Variants in NEDD4 observed in about 807,000 individuals in gnomAD.
The protein encoded by NEDD4 is NEDD4 E3 ubiquitin protein ligase, also known as E3 ubiquitin-protein ligase NEDD4.
In NEDD4, 99 loss-of-function variants were observed where a neutral mutation model predicts 144.9. The observed-to-expected ratio is 0.68, with a 90% CI of 0.58 to 0.81. NEDD4 has a LOEUF of 0.81. Ranked by LOEUF, NEDD4 falls within the 30% of genes least tolerant of loss-of-function variation. The pLI, the probability that NEDD4 is intolerant of heterozygous loss-of-function variation, is 0.00. For missense variants in NEDD4, 985 were observed against 1,065.9 expected, an observed-to-expected ratio of 0.92 and a Z score of 1.06; for synonymous variants, 318 against 350.6, an observed-to-expected ratio of 0.91 and a Z score of 1.04.
intron 11 of NEDD4, among the ~76,000 whole-genome samples, chr15:55,857,921 CAG>C (rs2034259920): frequency 6.6e-6 from 1 of 152,154 alleles, no homozygotes; most frequent in African/African-American, 2.4e-5. Flanking sequence ...GCCTGGGCGA[CAG>C]AGTGAGACCC....
chr15:55,979,405 CT>C (rs1427276617), intron 1 of NEDD4, among the ~76,000 whole-genome samples: 3 of 124,800 alleles, frequency 2.4e-5, no homozygotes, highest in Non-Finnish European at 4.7e-5. Context: ...GGACTGCGGA[CT>C]GCAGTGGCGC....
At chr15:55,899,538 T>A (rs2035845888) in intron 5 of NEDD4, among the ~76,000 whole-genome samples, 12 of 152,214 alleles carry the variant, frequency 7.9e-5, no homozygotes, top group Admixed American at 7.2e-4. Flanking sequence ...AACCAGTATT[T>A]TCTTGCTTAA....
At chr15:55,986,298 C>A (rs866359933) in intron 1 of NEDD4, among the ~76,000 whole-genome samples, 2 of 152,114 alleles carry the variant, frequency 1.3e-5, no homozygotes, top group African/African-American at 2.4e-5. Flanking sequence ...CATAATCTTA[C>A]GATATGTCCC....
At chr15:55,932,179 A>G (rs1259338087) in intron 4 of NEDD4, among the ~76,000 whole-genome samples, 1 of 152,188 alleles carries the variant, frequency 6.6e-6, no homozygotes, top group Non-Finnish European at 1.5e-5. Context: ...GTGAGTTGTA[A>G]TAAGATCTGA....
intron 11 of NEDD4, among the ~76,000 whole-genome samples, chr15:55,858,479 T>C (rs1378335861): frequency 2.0e-5 from 3 of 152,206 alleles, no homozygotes; most frequent in East Asian, 1.9e-4. Context: ...AGCTAATTTT[T>C]GTATTTTTAG....
intron 4 of NEDD4, among the ~76,000 whole-genome samples, chr15:55,949,467 T>C (rs1233903880): frequency 2.0e-5 from 3 of 152,162 alleles, no homozygotes; most frequent in African/African-American, 7.2e-5. Flanking sequence ...ACCCAAAGGA[T>C]TATAAATCAT....
intron 21 of NEDD4, among the ~76,000 whole-genome samples, chr15:55,839,506 A>G (rs2033367958): frequency 6.6e-6 from 1 of 152,190 alleles, no homozygotes; most frequent in Admixed American, 6.5e-5. Context: ...AGAAAAGAAT[A>G]AAAAATGAAC....
At chr15:55,903,783 CCA>C (rs775303836) in intron 5 of NEDD4, among the ~76,000 whole-genome samples, 3 of 147,152 alleles carry the variant, frequency 2.0e-5, no homozygotes, top group Non-Finnish European at 4.5e-5. Context: ...CGAGATCGTG[CCA>C]CTGCACTCCA....
rs1385113406 is a variant in NEDD4, at chr15:55,872,492, G to T, written c.343-16C>A. 3.8e-6 allele frequency: 5 copies of T among 1,318,678 alleles called. No individual in the cohort carries two copies. Among genetic ancestry groups the T allele is most frequent in the Admixed American group, 2.6e-5 (1 of 38,480 alleles). 81.7% of individuals were successfully genotyped at this position (1,318,678 alleles called of 1,614,324 possible). On this transcript the variant is annotated splice_polypyrimidine_tract_variant and intron_variant, in intron 6 of 28. Coordinates refer to ENST00000435532, the MANE Select transcript of NEDD4 (RefSeq NM_006154.4). Reference sequence around the variant, plus strand: ...GATTTTCTGTCTAGAATAAAATAGTGGGTTTTCAAAATATATCTATAACAC... The same window carrying T: ...GATTTTCTGTCTAGAATAAAATAGTTGGTTTTCAAAATATATCTATAACAC...
chr15:55,915,911 T>G lies in NEDD4; in HGVS notation c.291+8735A>C, dbSNP rs756565933. On this transcript the variant is annotated intron_variant, in intron 5 of 28. Coordinates refer to ENST00000435532, the MANE Select transcript of NEDD4 (RefSeq NM_006154.4). Reference sequence around the variant, plus strand: ...TAGCACTAGTGCCATCCTCATTATGTGCAATTTCACTAGGAGAAATAATAA... The same window carrying G: ...TAGCACTAGTGCCATCCTCATTATGGGCAATTTCACTAGGAGAAATAATAA... 3.1e-6 allele frequency: 5 copies of G among 1,613,932 alleles called. No individual in the cohort carries two copies. In the African/African-American group the frequency reaches 6.7e-5, roughly 22 times the overall value.
chr15:55,919,644 G>A (rs1408050111), intron 5 of NEDD4, among the ~76,000 whole-genome samples: 1 of 152,126 alleles, frequency 6.6e-6, no homozygotes, highest in East Asian at 1.9e-4. Context: ...AGAACTGGAG[G>A]GACATGGCAG....
intron 4 of NEDD4, among the ~76,000 whole-genome samples, chr15:55,934,953 C>T (rs1277435302): frequency 1.4e-5 from 2 of 143,350 alleles, no homozygotes; most frequent in East Asian, 4.4e-4. Context: ...ACTGCAACCT[C>T]TGCCTCCCAG....
At chr15:55,993,385 G>T in intron 1 of NEDD4, 126 bp downstream of exon 1, 2 of 1,242,608 alleles carry the variant, frequency 1.6e-6, no homozygotes, top group Non-Finnish European at 1.1e-6. Context: ...CGCTCCCCAG[G>T]CTCGCGCCGA....
intron 5 of NEDD4, among the ~76,000 whole-genome samples, chr15:55,883,936 G>C (rs1487576865): frequency 6.7e-6 from 1 of 149,234 alleles, no homozygotes; most frequent in Non-Finnish European, 1.5e-5. Flanking sequence ...CTGGAGTACA[G>C]TGGCATGATC....
intron 18 of NEDD4, among the ~76,000 whole-genome samples, chr15:55,845,935 G>A (rs1006555298): frequency 1.3e-5 from 2 of 151,572 alleles, no homozygotes; most frequent in African/African-American, 4.8e-5. Flanking sequence ...AAAGGTGTGC[G>A]CCATCACACC....
chr15:55,859,644 C>T (rs766373273), intron 11 of NEDD4, among the ~76,000 whole-genome samples: 3 of 152,092 alleles, frequency 2.0e-5, no homozygotes, highest in Non-Finnish European at 2.9e-5. Flanking sequence ...TGCAGTAAGC[C>T]GAGATAGCAC....
intron 4 of NEDD4, among the ~76,000 whole-genome samples, chr15:55,928,303 C>T (rs1231291645): frequency 5.3e-5 from 8 of 152,140 alleles, no homozygotes; most frequent in Admixed American, 1.3e-4. Context: ...TGAGCCATCA[C>T]GCCTGGCCTA....
chr15:55,928,527 A>G (rs2036719448), intron 4 of NEDD4, among the ~76,000 whole-genome samples: 1 of 152,060 alleles, frequency 6.6e-6, no homozygotes, highest in Non-Finnish European at 1.5e-5. Context: ...ATATGCATCT[A>G]CCCTATACTG....
intron 24 of NEDD4, among the ~76,000 whole-genome samples, chr15:55,836,964 C>T (rs1380878524): frequency 6.6e-6 from 1 of 152,190 alleles, no homozygotes; most frequent in Non-Finnish European, 1.5e-5. Context: ...CAGCCAGATA[C>T]ATATTTAACA....
Sources: allele counts gnomAD v4.1 joint callset (sites outside exome capture counted in the v4.1 genomes callset), GRCh38; gene constraint gnomAD v4.1.1; transcripts MANE v1.5; gene names NCBI Gene and HGNC (gene_info 2026-07-23, HGNC 2026-07-21).